The following TTLL11 variants were observed in gnomAD, a reference collection of about 807,000 sequenced individuals.
The protein encoded by TTLL11 is tubulin tyrosine ligase like 11, also known as tubulin polyglutamylase TTLL11.
TTLL11 carries 42 observed loss-of-function variants against 51.7 expected under a neutral mutation model. That is an observed-to-expected ratio of 0.81 (90% confidence interval 0.64 to 1.05). TTLL11 has a LOEUF of 1.05. Ranked by LOEUF, TTLL11 falls within the 50% of genes least tolerant of loss-of-function variation. TTLL11 has a pLI of 0.00. For synonymous variants in TTLL11, 381 were observed against 383.5 expected (o/e 0.99, Z 0.08); for missense variants, 799 against 940.4 (o/e 0.85, Z 1.97).
chr9:122,070,135 C>T (rs1204944102), intron 1 of TTLL11, among the ~76,000 whole-genome samples: 3 of 152,102 alleles, frequency 2.0e-5, no homozygotes, highest in Non-Finnish European at 4.4e-5. Context: ...GAGGGAGGGA[C>T]ACACCAAGGG....
intron 6 of TTLL11, among the ~76,000 whole-genome samples, chr9:121,888,742 G>C (rs1839111704): frequency 6.6e-6 from 1 of 152,244 alleles, no homozygotes; most frequent in Admixed American, 6.5e-5. Context: ...AGTAGAAAAA[G>C]ATGTTAGGTC....
chr9:121,864,567 G>C (rs188013124), intron 7 of TTLL11, among the ~76,000 whole-genome samples: 1 of 152,136 alleles, frequency 6.6e-6, no homozygotes, highest in Admixed American at 6.5e-5. Flanking sequence ...AGGAAATTTC[G>C]ATTTGCACAG....
At chr9:121,948,055 CACTT>C (rs1463712070) in intron 6 of TTLL11, among the ~76,000 whole-genome samples, 3 of 152,228 alleles carry the variant, frequency 2.0e-5, no homozygotes, top group Non-Finnish European at 4.4e-5. Flanking sequence ...CTAGAATTGA[CACTT>C]ACTGAATAAC....
rs547408355 is a variant in TTLL11, at chr9:122,002,944, C to CA, written c.694-13175dup. On this transcript the variant is annotated intron_variant, in intron 3 of 8. Transcript: ENST00000321582. Reference sequence around the variant, plus strand: ...CTGGCAACAGAGTGAGACTCTGTCTCAAAAAAAAAAAAAAAAAAAAGAGAT... The same window carrying CA: ...CTGGCAACAGAGTGAGACTCTGTCTCAAAAAAAAAAAAAAAAAAAAAGAGAT... Among the ~76,000 whole-genome samples the CA allele has an allele frequency of 5.8e-3, 357 of 61,064 alleles. 13 individuals are homozygous for CA. Among genetic ancestry groups the CA allele is most frequent in the South Asian group, 0.013 (23 of 1,772 alleles). The allele number at this position is 61,064 out of a possible 152,430, so 40.1% of individuals were successfully genotyped here.
chr9:122,092,911 C>A lies in TTLL11; in HGVS notation c.238G>T (p.Val80Phe). ...AGCGTGGGCGGCGGCCGCTGAAGGACCTGGGTGTTCCCCTCCTCAGCCGCA... is the reference window on the plus strand; with the variant it reads ...AGCGTGGGCGGCGGCCGCTGAAGGAACTGGGTGTTCCCCTCCTCAGCCGCA... ...PSAAEEGNTQ[V>F]LQRPPPTLPP... Residue 80 changes from valine (V) to phenylalanine (F), a missense_variant, in exon 1 of 9, where the codon GTC becomes TTC. By Grantham distance (50) the Val-to-Phe change is conservative. Around this residue, in one of 3 missense-constraint regions of TTLL11, gnomAD observed 166 missense variants for 161.6 expected, o/e 1.03. Coordinates refer to ENST00000321582, the MANE Select transcript of TTLL11 (RefSeq NM_001139442.2). 6.3e-7 allele frequency: 1 copy of A among 1,576,996 alleles called. No individual in the cohort carries two copies.
At chr9:122,040,067 A>C (rs1357286651) in intron 1 of TTLL11, among the ~76,000 whole-genome samples, 1 of 152,210 alleles carries the variant, frequency 6.6e-6, no homozygotes, top group Non-Finnish European at 1.5e-5. Flanking sequence ...TCTGGAAATC[A>C]GAGATGCCAG....
intron 6 of TTLL11, among the ~76,000 whole-genome samples, chr9:121,945,247 T>C (rs2131589643): frequency 6.6e-6 from 1 of 152,272 alleles, no homozygotes; most frequent in Non-Finnish European, 1.5e-5. Context: ...CTCTGAAAAA[T>C]ACATGGGTTA....
rs139731921 is a variant in TTLL11, at chr9:121,864,947, G to T, written c.1734-4504C>A. On this transcript the variant is annotated intron_variant, in intron 7 of 8. Transcript: ENST00000321582. The stretch of plus-strand genomic sequence containing the variant: ...TGTTCATCCTTCTCTGTGCAGAAAA[G>T]AAGCTTTTTTTTTCTTCTGGAGAGG... Among the ~76,000 whole-genome samples, 245 of 152,230 alleles carry T rather than the reference G, an allele frequency of 1.6e-3. 2 individuals carry two copies. Among genetic ancestry groups the T allele is most frequent in the African/African-American group, 5.7e-3 (237 of 41,552 alleles).
At position 121,989,064 on chromosome 9, in the gene TTLL11, G is replaced by A; in HGVS notation, c.1269+131C>T. ...AGTTGGGCCCAGGTTTAACACCCAA[G>A]CCCACAGCACCACCAACACTGTCCC... On this transcript the variant is annotated intron_variant, in intron 4 of 8. Transcript: ENST00000321582. This position sits in a 1 kb window ranked among gnomAD's most constrained non-coding sequence, Gnocchi z 4.2. 1 of 1,510,844 alleles carries A rather than the reference G, an allele frequency of 6.6e-7. No individual in the cohort carries two copies. The highest frequency in any genetic ancestry group is 8.8e-7 in the Non-Finnish European group (1 of 1,129,946). 93.6% of individuals were successfully genotyped at this position (1,510,844 alleles called of 1,614,324 possible).
chr9:121,938,564 T>A (rs182401576), intron 6 of TTLL11, among the ~76,000 whole-genome samples: 1 of 152,234 alleles, frequency 6.6e-6, no homozygotes, highest in Admixed American at 6.5e-5. Context: ...CCAAGGTAAA[T>A]AGAGCATTTC....
intron 2 of TTLL11, among the ~76,000 whole-genome samples, chr9:122,032,111 G>A (rs181536797): frequency 1.1e-4 from 16 of 152,344 alleles, no homozygotes; most frequent in Non-Finnish European, 2.2e-4. Flanking sequence ...GAAGGAATGA[G>A]TTTTCACCTA....
At chr9:121,964,518 G>C (rs1227572472) in intron 6 of TTLL11, among the ~76,000 whole-genome samples, 2 of 152,106 alleles carry the variant, frequency 1.3e-5, no homozygotes, top group Non-Finnish European at 2.9e-5. Flanking sequence ...GGCTGGTCTT[G>C]AACTTCTGAC....
At chr9:122,059,424 C>T (rs1845381303) in intron 1 of TTLL11, among the ~76,000 whole-genome samples, 1 of 152,162 alleles carries the variant, frequency 6.6e-6, no homozygotes, top group African/African-American at 2.4e-5. Flanking sequence ...GATGAGGAAA[C>T]TGAGGCACAG....
intron 3 of TTLL11, among the ~76,000 whole-genome samples, chr9:122,026,922 A>C (rs1168112578): frequency 7.9e-5 from 12 of 151,898 alleles, no homozygotes; most frequent in African/African-American, 4.8e-5. Context: ...AAAAAAAAAA[A>C]AAAAAAAAAC....
At chr9:122,038,603 C>T (rs1055372324) in intron 2 of TTLL11, among the ~76,000 whole-genome samples, 2 of 152,156 alleles carry the variant, frequency 1.3e-5, no homozygotes, top group African/African-American at 4.8e-5. Flanking sequence ...GAGCCAAGAT[C>T]GTGCTGCTGC....
chr9:122,091,405 T>C (rs1846255608), intron 1 of TTLL11, among the ~76,000 whole-genome samples: 1 of 152,222 alleles, frequency 6.6e-6, no homozygotes, highest in South Asian at 2.1e-4. Context: ...TTCCCCAGCA[T>C]GAAAGTTCCC....
At chr9:121,844,083 A>T (rs1207386028) in intron 8 of TTLL11, among the ~76,000 whole-genome samples, 1 of 152,162 alleles carries the variant, frequency 6.6e-6, no homozygotes, top group Non-Finnish European at 1.5e-5. Context: ...AAAAGGGGCT[A>T]AGAAGCACTT....
At chr9:121,832,065 C>G (rs1358553929) in intron 8 of TTLL11, among the ~76,000 whole-genome samples, 2 of 152,094 alleles carry the variant, frequency 1.3e-5, no homozygotes, top group Admixed American at 6.5e-5. Context: ...TAATCCTATT[C>G]AATAAGGGAC....
rs1420599853 is a variant in TTLL11 at position 121,820,372 on chromosome 9, A to G, written c.*2215T>C. Among the ~76,000 whole-genome samples the G allele has an allele frequency of 6.6e-6, 1 of 152,174 alleles. No individual in the cohort carries two copies. The highest frequency in any genetic ancestry group is 1.5e-5 in the Non-Finnish European group (1 of 68,028). ...CCCAGCTGATGACAAGTGTGCCCAG[A>G]CATGCTTACTCTGGTCTTTCTCTGG... On this transcript the variant is annotated 3_prime_UTR_variant, in exon 9 of 9. Transcript: ENST00000321582.
Sources: gnomAD v4.1 joint callset for allele counts (sites outside exome capture counted in the v4.1 genomes callset) on GRCh38, gnomAD v4.1.1 for gene constraint, gnomAD v4.1.1 regional missense constraint, Gnocchi (gnomAD v3.1) non-coding constraint, MANE v1.5 for transcripts, NCBI Gene and HGNC (gene_info 2026-07-23, HGNC 2026-07-21) for gene names.